TMEM164: variants seen among roughly 807,000 people sequenced by gnomAD.
The protein encoded by TMEM164 is RP13-360B22.2.
A neutral mutation model predicts 18.8 loss-of-function variants in TMEM164; 4 were observed. The ratio of observed to expected loss-of-function variants is 0.21; its 90% confidence interval spans 0.10 to 0.49. The LOEUF is 0.49. TMEM164 is among the 20% of genes least tolerant of loss of function. The pLI is 0.98. For missense variants in TMEM164, 108 were observed against 239.9 expected, an observed-to-expected ratio of 0.45 and a Z score of 3.63; for synonymous variants, 86 against 101.7, an observed-to-expected ratio of 0.85 and a Z score of 0.93.
chrX:110,159,870 G>T (rs1203710732), intron 5 of TMEM164, among the ~76,000 whole-genome samples: 3 of 111,719 alleles, frequency 2.7e-5, no homozygotes, highest in Non-Finnish European at 5.6e-5. Flanking sequence ...GACAGCCAGG[G>T]TTCCTTAGGG....
intron 2 of TMEM164, among the ~76,000 whole-genome samples, chrX:110,015,550 AGTGTGTGTGTGTGTGTGT>A (rs200228472): frequency 1.0e-5 from 1 of 99,628 alleles, no homozygotes; most frequent in Non-Finnish European, 2.1e-5. Context: ...CAGGAACTTG[AGTGTGTGTGTGTGTGTGT>A]GTGTGTGTGT....
intron 2 of TMEM164, among the ~76,000 whole-genome samples, chrX:110,058,775 A>G (rs1935978725): frequency 9.5e-6 from 1 of 105,730 alleles, no homozygotes; most frequent in South Asian, 4.2e-4. Context: ...GTGATGTGCC[A>G]CAACGCCTGG....
At chrX:110,022,895 C>T (rs1047854568) in intron 2 of TMEM164, among the ~76,000 whole-genome samples, 3 of 112,009 alleles carry the variant, frequency 2.7e-5, no homozygotes, top group Non-Finnish European at 5.6e-5. Flanking sequence ...TCAAGCCCGT[C>T]GTTTTGCAGA....
chrX:110,179,504 G>A (rs1156643017), downstream of TMEM164, among the ~76,000 whole-genome samples: 3 of 112,157 alleles, frequency 2.7e-5, no homozygotes, highest in Non-Finnish European at 3.8e-5. Context: ...CACTCCAGCG[G>A]GATCGTACTC....
chrX:110,085,336 A>AAAT (rs1556000993), intron 3 of TMEM164, among the ~76,000 whole-genome samples: 41 of 80,638 alleles, frequency 5.1e-4, no homozygotes, highest in African/African-American at 8.0e-4. Flanking sequence ...AATTAAAAAA[A>AAAT]ATATATATAT....
At chrX:110,045,908 C>T (rs1274945246) in intron 2 of TMEM164, 1 of 290,022 alleles carries the variant, frequency 3.4e-6, no homozygotes, top group Non-Finnish European at 4.6e-6. Flanking sequence ...TCCAGTTCTC[C>T]TGAGGCCCAG....
At chrX:110,046,434 C>T in intron 2 of TMEM164, 1 of 754,756 alleles carries the variant, frequency 1.3e-6, no homozygotes, top group Non-Finnish European at 1.6e-6. Context: ...GGCCTCTCTT[C>T]TCTGCCACAG....
Position 110,004,128 on chromosome X carries a change from C to T in TMEM164, c.354C>T (p.Tyr118=), listed in dbSNP as rs151287732. 26 of 1,203,066 alleles carry T rather than the reference C, an allele frequency of 2.2e-5. No homozygotes were observed. The highest frequency in any genetic ancestry group is 2.9e-5 in the Non-Finnish European group (26 of 893,239). ...GFKFATKTVI[Y]LLNPCHLVTM... ...AGTTCGCCACCAAGACCGTCATCTA[C>T]CTGCTCAACCCCTGTCACCTGGTCA... The change falls in exon 2 of 7, where the codon TAC becomes TAT. Residue 118 remains tyrosine, a synonymous_variant. Transcript: ENST00000372068.
chrX:110,115,350 A>G (rs2066346274), intron 4 of TMEM164, among the ~76,000 whole-genome samples: 1 of 112,339 alleles, frequency 8.9e-6, no homozygotes, highest in African/African-American at 3.2e-5. Flanking sequence ...CTTAAAGCGT[A>G]CAAAGCTTGG....
chrX:110,013,035 T>C (rs1933096609), intron 2 of TMEM164, among the ~76,000 whole-genome samples: 1 of 111,866 alleles, frequency 8.9e-6, no homozygotes, highest in South Asian at 3.7e-4. Flanking sequence ...CCTGTGGCCA[T>C]GTGTTTAGGT....
At chrX:110,022,613 G>C (rs1234745771) in intron 2 of TMEM164, among the ~76,000 whole-genome samples, 1 of 111,765 alleles carries the variant, frequency 8.9e-6, no homozygotes, top group African/African-American at 3.3e-5. Flanking sequence ...TGGTGGGAGA[G>C]AGGTTTGAGG....
At chrX:110,016,001 G>A (rs1369069071) in intron 2 of TMEM164, among the ~76,000 whole-genome samples, 3 of 112,470 alleles carry the variant, frequency 2.7e-5, no homozygotes, top group African/African-American at 9.7e-5. Flanking sequence ...GGAGTCAGGG[G>A]TGGCCTTTAG....
chrX:110,084,408 ATAGTGTATATATATATAG>A (rs2065813978), intron 3 of TMEM164, among the ~76,000 whole-genome samples: 1 of 66,217 alleles, frequency 1.5e-5, no homozygotes, highest in Admixed American at 1.8e-4. Flanking sequence ...GTATATATAT[ATAGTGTATATATATATAG>A]TATAGTATAT....
chrX:110,018,456 A>C (rs1229493114), intron 2 of TMEM164, among the ~76,000 whole-genome samples: 2 of 112,241 alleles, frequency 1.8e-5, no homozygotes, highest in Non-Finnish European at 3.8e-5. Flanking sequence ...TTAAAAGTGC[A>C]GGCTCTGGAG....
chrX:110,135,257 C>T (rs1206425793), intron 4 of TMEM164, among the ~76,000 whole-genome samples: 2 of 110,047 alleles, frequency 1.8e-5, no homozygotes, highest in African/African-American at 6.6e-5. Flanking sequence ...AAGGATCATG[C>T]CTTATACAAT....
intron 4 of TMEM164, among the ~76,000 whole-genome samples, chrX:110,137,064 T>C (rs1270929321): frequency 1.8e-5 from 2 of 112,291 alleles, no homozygotes; most frequent in Non-Finnish European, 3.8e-5. Flanking sequence ...TAAATTTCCA[T>C]GTTTGTGTGT....
chrX:110,120,681 A>G (rs2066437631), intron 4 of TMEM164, among the ~76,000 whole-genome samples: 1 of 111,675 alleles, frequency 9.0e-6, no homozygotes, highest in African/African-American at 3.3e-5. Flanking sequence ...CTACATGGCT[A>G]TAGGACATTA....
intron 2 of TMEM164, among the ~76,000 whole-genome samples, chrX:110,004,481 C>T (rs1231766098): frequency 1.8e-5 from 2 of 111,212 alleles, no homozygotes; most frequent in Admixed American, 9.5e-5. Context: ...GAATTCCAGC[C>T]CCAGCCAGGT....
chrX:110,180,880 A>G (rs2067321182), downstream of TMEM164, among the ~76,000 whole-genome samples: 1 of 111,705 alleles, frequency 9.0e-6, no homozygotes, highest in Non-Finnish European at 1.9e-5. Context: ...GGGCTTGCCC[A>G]GGTGATGCCA....
Sources: gnomAD v4.1 joint callset for allele counts (sites outside exome capture counted in the v4.1 genomes callset) on GRCh38, gnomAD v4.1.1 for gene constraint, MANE v1.5 for transcripts, NCBI Gene and HGNC (gene_info 2026-07-23, HGNC 2026-07-21) for gene names.